IL6R: variants seen among roughly 807,000 people sequenced by gnomAD.
The protein encoded by IL6R is interleukin-6 receptor subunit alpha.
A neutral mutation model predicts 48.3 loss-of-function variants in IL6R; 38 were observed. The ratio of observed to expected loss-of-function variants is 0.79; its 90% CI spans 0.61 to 1.03. IL6R has a LOEUF of 1.03. Ranked by LOEUF, IL6R falls within the 50% of genes least tolerant of loss-of-function variation. The pLI is 0.00. For synonymous variants in IL6R, 264 were observed against 256.2 expected (o/e 1.03, Z -0.29); for missense variants, 534 against 618.3 (o/e 0.86, Z 1.45).
intron 1 of IL6R, among the ~76,000 whole-genome samples, chr1:154,425,676 C>T (rs944635907): frequency 6.0e-5 from 9 of 150,550 alleles, no homozygotes; most frequent in Admixed American, 3.3e-4. Context: ...TGGGAAGCTG[C>T]GGTGGGAGGA....
At chr1:154,444,711 C>T (rs55800510) in intron 6 of IL6R, among the ~76,000 whole-genome samples, 19,538 of 151,818 alleles carry the variant, frequency 0.13, 1,446 homozygotes, top group South Asian at 0.18. Flanking sequence ...CAGCCGGGCA[C>T]CATAAGGAGA....
chr1:154,469,112 A>G lies in IL6R; in HGVS notation c.*3732A>G, dbSNP rs1691680520. ...GCAACCTTAGTGATTATTAAGGAAC[A>G]CTGTCAGTTTTATGAACATATGCTC... On this transcript the variant is annotated 3_prime_UTR_variant, in exon 10 of 10. Coordinates refer to ENST00000368485, the MANE Select transcript of IL6R (RefSeq NM_000565.4). 6.6e-6 allele frequency: 1 copy of G among 152,218 alleles called. No individual in the cohort carries two copies. Among genetic ancestry groups the G allele is most frequent in the South Asian group, 2.1e-4 (1 of 4,830 alleles). The allele number at this position is 152,218 out of a possible 1,614,324, so 9.4% of individuals were successfully genotyped here. A position where few individuals can be genotyped will look rare whatever the true frequency, so the allele number is the denominator to read the frequency against.
rs1691550806 is a variant in IL6R, at chr1:154,466,300, A to G, written c.*920A>G. 1 of 152,182 alleles carries G rather than the reference A, an allele frequency of 6.6e-6. No individual in the cohort carries two copies. Among genetic ancestry groups the G allele is most frequent in the African/African-American group, 2.4e-5 (1 of 41,428 alleles). The allele number at this position is 152,182 out of a possible 1,614,324, so 9.4% of individuals were successfully genotyped here. On this transcript the variant is annotated 3_prime_UTR_variant, in exon 10 of 10. Coordinates refer to ENST00000368485, the MANE Select transcript of IL6R (RefSeq NM_000565.4). ...GGCTTCTGCCATTTCTGAGATCAAA[A>G]CGGTTTTACTGCAGCTTTGTTTGTT...
In IL6R at chr1:154,467,207, T is replaced by C. The variant is rs1359522341; in HGVS notation, c.*1827T>C. 1.3e-5 allele frequency: 2 copies of C among 152,262 alleles called. No homozygotes were observed. Among genetic ancestry groups the C allele is most frequent in the South Asian group, 2.1e-4 (1 of 4,834 alleles). The allele number at this position is 152,262 out of a possible 1,614,324, so 9.4% of individuals were successfully genotyped here. A position where few individuals can be genotyped will look rare whatever the true frequency, so the allele number is the denominator to read the frequency against. ...TTAGTTCCTTGAGTTGATTCAGCTC[T>C]GCAAGAATTGAAGCAGGACTAAATG... On this transcript the variant is annotated 3_prime_UTR_variant, in exon 10 of 10. Coordinates refer to ENST00000368485, the MANE Select transcript of IL6R (RefSeq NM_000565.4).
intron 1 of IL6R, among the ~76,000 whole-genome samples, chr1:154,415,505 T>C (rs979078702): frequency 6.6e-6 from 1 of 152,214 alleles, no homozygotes; most frequent in Non-Finnish European, 1.5e-5. Flanking sequence ...TGAGGCCCAA[T>C]TGTCTGGACT....
At chr1:154,429,136 A>T (rs1054429027) in intron 1 of IL6R, 60 bp from the exon 2 acceptor site, 6 of 1,564,098 alleles carry the variant, frequency 3.8e-6, no homozygotes. Flanking sequence ...TCCTCAGACC[A>T]GAACGAAGCC....
intron 6 of IL6R, among the ~76,000 whole-genome samples, chr1:154,445,690 C>T (rs1690183725): frequency 6.6e-6 from 1 of 150,702 alleles, no homozygotes; most frequent in South Asian, 2.1e-4. Context: ...GCGGAGCTTG[C>T]AGTGAGCTGA....
At chr1:154,446,234 C>T (rs776077166) in intron 6 of IL6R, among the ~76,000 whole-genome samples, 6 of 152,184 alleles carry the variant, frequency 3.9e-5, no homozygotes, top group Non-Finnish European at 8.8e-5. Flanking sequence ...ATTCAGGTCG[C>T]ACTTGCTGTG....
chr1:154,465,144 A>C lies in IL6R; in HGVS notation c.1171A>C (p.Thr391Pro). The part of the protein sequence containing the change: ...CIAIVLRFKK[T>P]WKLRALKEGK... ...TGTGTTTGTGTGAAGGTTCAAGAAG[A>C]CGTGGAAGCTGCGGGCTCTGAAGGA... The change falls in exon 10 of 10, where the codon ACG becomes CCG. Residue 391 changes from threonine to proline, a missense_variant. Thr to Pro is a conservative substitution (Grantham distance 38, BLOSUM62 -1). Coordinates refer to ENST00000368485, the MANE Select transcript of IL6R (RefSeq NM_000565.4). 1.2e-6 allele frequency: 2 copies of C among 1,614,108 alleles called. No individual in the cohort carries two copies. The highest frequency in any genetic ancestry group is 1.7e-6 in the Non-Finnish European group (2 of 1,180,026).
intron 6 of IL6R, among the ~76,000 whole-genome samples, chr1:154,441,112 G>C (rs1353433510): frequency 6.6e-6 from 1 of 152,226 alleles, no homozygotes; most frequent in Non-Finnish European, 1.5e-5. Flanking sequence ...TGCTCTCTCT[G>C]AATTCTTTTG....
Position 154,444,208 on chromosome 1 carries a change from CTTTTTT to C in IL6R, c.950-3905_950-3900del, listed in dbSNP as rs562457712. On this transcript the variant is annotated intron_variant, in intron 6 of 9. Coordinates refer to ENST00000368485, the MANE Select transcript of IL6R (RefSeq NM_000565.4). ...TCTGGGGACCAATTAAAGTTGCTAG[CTTTTTT>C]TTTTTTTTTTTGAAACGGAGTTTCG... 7.2e-5 allele frequency among the ~76,000 whole-genome samples: 10 copies of C among 138,204 alleles called. No homozygotes were observed. The East Asian group carries it at 2.1e-3, about 28-fold the overall frequency. The allele number at this position is 138,204 out of a possible 152,430, so 90.7% of individuals were successfully genotyped here.
At chr1:154,421,431 C>T (rs912377952) in intron 1 of IL6R, among the ~76,000 whole-genome samples, 3 of 152,224 alleles carry the variant, frequency 2.0e-5, no homozygotes, top group Admixed American at 1.3e-4. Flanking sequence ...TCCAACCTAA[C>T]CCAGGCTCTT....
intron 8 of IL6R, chr1:154,454,220 T>G: frequency 4.0e-6 from 2 of 496,434 alleles, no homozygotes. Flanking sequence ...ACCCTGAGCT[T>G]GAGGTGTCTC....
chr1:154,418,336 G>A (rs963213421), intron 1 of IL6R: 8 of 791,724 alleles, frequency 1.0e-5, no homozygotes, highest in Non-Finnish European at 1.2e-5. Context: ...TCAGCATTGA[G>A]CATTACCTGT....
intron 1 of IL6R, chr1:154,414,531 G>A: frequency 1.3e-6 from 1 of 777,792 alleles, no homozygotes; most frequent in Non-Finnish European, 2.2e-6. Context: ...ATCTTTTTGG[G>A]TGTGTTGAAG....
intron 6 of IL6R, among the ~76,000 whole-genome samples, chr1:154,447,438 C>CA (rs201893129): frequency 0.017 from 669 of 38,400 alleles, 25 homozygotes; most frequent in Non-Finnish European, 0.027. Flanking sequence ...AACTCCATCT[C>CA]AAAAAAAAAA....
intron 1 of IL6R, 116 bp from the exon 2 acceptor site, chr1:154,429,080 G>A (rs28730665): frequency 5.9e-6 from 7 of 1,179,380 alleles, no homozygotes; most frequent in South Asian, 2.9e-5. Flanking sequence ...CAGAGGTGAC[G>A]GTAGCCTGGG....
At chr1:154,452,373 C>T (rs148312029) in intron 8 of IL6R, among the ~76,000 whole-genome samples, 367 of 152,268 alleles carry the variant, frequency 2.4e-3, no homozygotes, top group African/African-American at 8.1e-3. Context: ...CCACACTGCC[C>T]TCCTTGCTCC....
chr1:154,421,757 C>T (rs1688676113), intron 1 of IL6R, among the ~76,000 whole-genome samples: 1 of 151,474 alleles, frequency 6.6e-6, no homozygotes, highest in South Asian at 2.1e-4. Context: ...ATAGCTGGGA[C>T]CGCAGACATG....
Sources: allele counts gnomAD v4.1 joint callset (sites outside exome capture counted in the v4.1 genomes callset), GRCh38; gene constraint gnomAD v4.1.1; transcripts MANE v1.5; gene names NCBI Gene and HGNC (gene_info 2026-07-23, HGNC 2026-07-21).